Variants in ERBB2 observed in about 807,000 individuals in gnomAD.
ERBB2 encodes receptor tyrosine-protein kinase erbB-2.
ERBB2 carries 61 observed loss-of-function variants against 149.0 expected under a neutral mutation model. The ratio of observed to expected loss-of-function variants is 0.41; its 90% CI spans 0.33 to 0.51. ERBB2 has a LOEUF of 0.51. Among genes scored for constraint, ERBB2 ranks in the 20% least tolerant of loss-of-function variants. The pLI, the probability that ERBB2 is intolerant of heterozygous loss-of-function variation, is 0.25. For missense variants in ERBB2, 1,205 were observed against 1,655.1 expected, an observed-to-expected ratio of 0.73 and a Z score of 4.72; for synonymous variants, 633 against 678.8, an observed-to-expected ratio of 0.93 and a Z score of 1.05.
chr17:39,699,894 C>A (rs1231924305), upstream of ERBB2: 6 of 770,906 alleles, frequency 7.8e-6, no homozygotes, highest in Admixed American at 1.6e-4. Context: ...CCCAGGCCTG[C>A]GCGAAGAGAG....
In ERBB2 at chr17:39,728,304, G is replaced by C; in HGVS notation, c.*260G>C. ...CTGCCCAATGAGACTCTAGGGTCCAGTGGATGCCACAGCCCAGCTTGGCCC... is the reference window on the plus strand; with the variant it reads ...CTGCCCAATGAGACTCTAGGGTCCACTGGATGCCACAGCCCAGCTTGGCCC... On this transcript the variant is annotated 3_prime_UTR_variant, in exon 27 of 27. Coordinates refer to ENST00000269571, the MANE Select transcript of ERBB2 (RefSeq NM_004448.4). The C allele has an allele frequency of 9.8e-6, 4 of 407,848 alleles. No individual in the cohort carries two copies. The allele number at this position is 407,848 out of a possible 1,614,324, so 25.3% of individuals were successfully genotyped here. A position where few individuals can be genotyped will look rare whatever the true frequency, so the allele number is the denominator to read the frequency against.
At chr17:39,706,863 G>T in intron 1 of ERBB2, 127 bp from the exon 2 acceptor site, 1 of 890,576 alleles carries the variant, frequency 1.1e-6, no homozygotes, top group Non-Finnish European at 1.6e-6. Context: ...GACATGGGCG[G>T]AGGGGTCCTT....
At chr17:39,706,811 C>T (rs958477097) in intron 1 of ERBB2, 179 bp from the exon 2 acceptor site, 1 of 463,382 alleles carries the variant, frequency 2.2e-6, no homozygotes, top group Non-Finnish European at 3.6e-6. Context: ...ACTTCCCAAG[C>T]ACGCAAGCTT....
At chr17:39,721,538 T>A (rs1221543117) in intron 16 of ERBB2, among the ~76,000 whole-genome samples, 1 of 152,172 alleles carries the variant, frequency 6.6e-6, no homozygotes, top group African/African-American at 2.4e-5. Flanking sequence ...CCTCCCAAAG[T>A]GCTGGGATTA....
rs896171398 is a variant in ERBB2 at position 39,709,846 on chromosome 17, G to A, written c.608G>A (p.Arg203His). The change falls in exon 5 of 27, where the codon CGC (arginine) becomes CAC (histidine). Residue 203 changes from arginine to histidine, a missense_variant. By Grantham distance (29) the Arg-to-His change is conservative. Transcript: ENST00000269571. The part of the protein sequence containing the change: ...HPCSPMCKGS[R>H]CWGESSEDCQ... ...TGTTCTCCGATGTGTAAGGGCTCCC[G>A]CTGCTGGGGAGAGAGTTCTGAGGAT... The A allele has an allele frequency of 3.6e-5, 58 of 1,613,388 alleles. No homozygotes were observed. Among genetic ancestry groups the A allele is most frequent in the Middle Eastern group, 1.6e-4 (1 of 6,084 alleles).
chr17:39,725,632 C>T lies in ERBB2; in HGVS notation c.2726-75C>T, dbSNP rs4252649. The T allele has an allele frequency of 6.7e-7, 1 of 1,493,650 alleles. No individual in the cohort carries two copies. Among genetic ancestry groups the T allele is most frequent in the South Asian group, 1.3e-5 (1 of 78,856 alleles). The allele number at this position is 1,493,650 out of a possible 1,614,324, so 92.5% of individuals were successfully genotyped here. A position where few individuals can be genotyped will look rare whatever the true frequency, so the allele number is the denominator to read the frequency against. On this transcript the variant is annotated intron_variant, in intron 22 of 26. Transcript: ENST00000269571. The surrounding 1 kb of genome is among the most constrained non-coding windows in gnomAD (Gnocchi z 4.6). ...CTGCTACCTGCCATGATGCTAGACT[C>T]CTGAGCAGAACCTCTGGCTCAGTAC...
At chr17:39,688,187 G>A (rs1053267751) in exon 1 of ERBB2, 7 of 519,878 alleles carry the variant, frequency 1.3e-5, no homozygotes, top group Non-Finnish European at 2.1e-5. Flanking sequence ...TCCCCCTGCT[G>A]TGTCCATATA....
intron 15 of ERBB2, among the ~76,000 whole-genome samples, chr17:39,719,499 A>G (rs2059333434): frequency 6.6e-6 from 1 of 152,208 alleles, no homozygotes; most frequent in African/African-American, 2.4e-5. Flanking sequence ...GGATTCTTCT[A>G]TGGAGGGAAT....
In ERBB2 at chr17:39,705,548, TCTGTTCCTCCCTC is replaced by T. The variant is rs907158266; in HGVS notation, c.74-1428_74-1416del. 2.6e-5 allele frequency among the ~76,000 whole-genome samples: 4 copies of T among 152,246 alleles called. No homozygotes were observed. The South Asian group carries it at 6.2e-4, about 24-fold the overall frequency. ...GGGACATGGACCCTTGAGTTCTATT[TCTGTTCCTCCCTC>T]CTGTTCCTCCCTCTTTGTCCTTATC... On this transcript the variant is annotated intron_variant, in intron 1 of 26. Coordinates refer to ENST00000269571, the MANE Select transcript of ERBB2 (RefSeq NM_004448.4).
At chr17:39,715,574 T>A in intron 11 of ERBB2, 38 bp downstream of exon 11, 2 of 1,486,732 alleles carry the variant, frequency 1.3e-6, no homozygotes, top group Non-Finnish European at 1.9e-6. Flanking sequence ...TGGGGAGGAG[T>A]CCCAGGGAGG....
intron 16 of ERBB2, among the ~76,000 whole-genome samples, chr17:39,722,065 G>A (rs1045082761): frequency 4.6e-5 from 7 of 151,970 alleles, no homozygotes; most frequent in Non-Finnish European, 1.5e-5. Flanking sequence ...ATTACAGGCA[G>A]GCACCACCAC....
Position 39,725,644 on chromosome 17 carries a change from C to CTCT in ERBB2, c.2726-62_2726-60dup. 1 of 1,532,006 alleles carries CTCT rather than the reference C, an allele frequency of 6.5e-7. No homozygotes were observed. The highest frequency in any genetic ancestry group is 2.0e-5 in the Admixed American group (1 of 50,012). 94.9% of individuals were successfully genotyped at this position (1,532,006 alleles called of 1,614,324 possible). ...ATGATGCTAGACTCCTGAGCAGAAC[C>CTCT]TCTGGCTCAGTACACTAAAGCTCCC... On this transcript the variant is annotated intron_variant, in intron 22 of 26. Transcript: ENST00000269571. This position sits in a 1 kb window ranked among gnomAD's most constrained non-coding sequence, Gnocchi z 4.6.
At chr17:39,694,262 T>TACACAA (rs1164374202), upstream of ERBB2, among the ~76,000 whole-genome samples, 1 of 28,906 alleles carries the variant, frequency 3.5e-5, no homozygotes, top group Non-Finnish European at 7.8e-5. Flanking sequence ...TATATATATA[T>TACACAA]ATATATGTGT....
chr17:39,710,526 G>T (rs752285019), intron 7 of ERBB2, 45 bp downstream of exon 7: 35 of 1,609,824 alleles, frequency 2.2e-5, no homozygotes, highest in East Asian at 6.7e-5. Flanking sequence ...TGGTGGGGAG[G>T]TTTGTTTCTG....
intron 14 of ERBB2, 84 bp downstream of exon 14, chr17:39,716,689 T>G: frequency 1.8e-5 from 21 of 1,182,532 alleles, no homozygotes; most frequent in Non-Finnish European, 2.5e-5. Flanking sequence ...CGAGATGCAG[T>G]AGGGTGTGCT....
At chr17:39,698,418 C>T (rs1335200822), upstream of ERBB2, among the ~76,000 whole-genome samples, 3 of 152,092 alleles carry the variant, frequency 2.0e-5, no homozygotes, top group Non-Finnish European at 4.4e-5. Flanking sequence ...CGCCACCACA[C>T]CTGGCTAATT....
At chr17:39,688,917 C>T (rs2057628068) in intron 2 of ERBB2, 1 of 152,310 alleles carries the variant, frequency 6.6e-6, no homozygotes, top group Admixed American at 6.5e-5. Flanking sequence ...GCACTGAGAT[C>T]GGAGAGAAGT....
intron 1 of ERBB2, among the ~76,000 whole-genome samples, chr17:39,706,294 C>T (rs1029564679): frequency 1.1e-4 from 16 of 152,210 alleles, no homozygotes; most frequent in Non-Finnish European, 1.5e-4. Flanking sequence ...AGGGTGCCAG[C>T]GCAGGAACCT....
At position 39,728,134 on chromosome 17, in the gene ERBB2, C is replaced by T. The variant is rs945954741; in HGVS notation, c.*90C>T. The T allele has an allele frequency of 1.3e-5, 12 of 892,350 alleles. No homozygotes were observed. The African/African-American group carries it at 1.7e-4, about 12-fold the overall frequency. The allele number at this position is 892,350 out of a possible 1,614,324, so 55.3% of individuals were successfully genotyped here. On this transcript the variant is annotated 3_prime_UTR_variant, in exon 27 of 27. Transcript: ENST00000269571. ...GCTGGCATCAAGAGGTGGGAGGGCC[C>T]TCCGACCACTTCCAGGGGAACCTGC... is the stretch of plus-strand genomic sequence containing the variant.
Sources: gnomAD v4.1 joint callset for allele counts (sites outside exome capture counted in the v4.1 genomes callset) on GRCh38, gnomAD v4.1.1 for gene constraint, Gnocchi (gnomAD v3.1) non-coding constraint, MANE v1.5 for transcripts, NCBI Gene and HGNC (gene_info 2026-07-23, HGNC 2026-07-21) for gene names.